CDC6: variants seen among roughly 807,000 people sequenced by gnomAD.
The protein encoded by CDC6 is DNA replication factor CDC6.
In CDC6, 46 loss-of-function variants were observed where a neutral mutation model predicts 60.2. The observed-to-expected ratio is 0.76, with a 90% CI of 0.60 to 0.98. The LOEUF (loss-of-function observed/expected upper bound fraction) is 0.98. CDC6 is among the 50% of genes least tolerant of loss of function. The probability of loss-of-function intolerance (pLI) is 0.00; values close to 1 mark genes in which losing one functional copy is unlikely to be tolerated. For missense variants in CDC6, 596 were observed against 652.9 expected, an observed-to-expected ratio of 0.91 and a Z score of 0.95; for synonymous variants, 210 against 233.2, an observed-to-expected ratio of 0.90 and a Z score of 0.90.
chr17:40,300,942 A>G lies in CDC6; in HGVS notation c.1364A>G (p.Asp455Gly), dbSNP rs1207701234. The G allele has an allele frequency of 7.4e-6, 12 of 1,613,776 alleles. No homozygotes were observed. Among genetic ancestry groups the G allele is most frequent in the Non-Finnish European group, 1.0e-5 (12 of 1,179,646 alleles). The change falls in exon 10 of 12, where the codon GAT becomes GGT. Residue 455 changes from aspartate to glycine, a missense_variant. Coordinates refer to ENST00000209728, the MANE Select transcript of CDC6 (RefSeq NM_001254.4). ...ACCTTGAGCCAAGAAGGAGCACAAGATTCCTTCCCTCTTCAGCAGAAGATC... is the reference window on the plus strand; with the variant it reads ...ACCTTGAGCCAAGAAGGAGCACAAGGTTCCTTCCCTCTTCAGCAGAAGATC... ...RMTLSQEGAQ[D>G]SFPLQQKILV...
intron 9 of CDC6, among the ~76,000 whole-genome samples, chr17:40,298,626 C>T (rs919207882): frequency 1.3e-5 from 2 of 152,126 alleles, no homozygotes; most frequent in Non-Finnish European, 2.9e-5. Flanking sequence ...TGGTCTCAAA[C>T]TCCTGGGATA....
At chr17:40,289,842 G>C (rs1200183336) in intron 2 of CDC6, among the ~76,000 whole-genome samples, 2 of 149,270 alleles carry the variant, frequency 1.3e-5, no homozygotes, top group African/African-American at 2.5e-5. Context: ...CCAAGTAGCT[G>C]GGATTACAGG....
intron 6 of CDC6, 21 bp downstream of exon 6, chr17:40,294,077 G>A (rs2032819969): frequency 3.3e-6 from 5 of 1,495,168 alleles, no homozygotes; most frequent in Non-Finnish European, 4.7e-6. Flanking sequence ...AATTGTTAAT[G>A]TTACATGGTG....
At position 40,304,182 on chromosome 17, in the gene CDC6, T is replaced by TCTAG. The variant is rs1478312612; in HGVS notation, c.*2182_*2185dup. Reference sequence around the variant, plus strand: ...TTTTCTTCTCCCCTCACTGTCAATTTCTAGGTCATTGCTGCTCTTAAGACT... The same window carrying TCTAG: ...TTTTCTTCTCCCCTCACTGTCAATTTCTAGCTAGGTCATTGCTGCTCTTAAGACT... On this transcript the variant is annotated 3_prime_UTR_variant, in exon 12 of 12. Transcript: ENST00000209728. 2 of 152,286 alleles carry TCTAG rather than the reference T, an allele frequency of 1.3e-5. No individual in the cohort carries two copies. Among genetic ancestry groups the TCTAG allele is most frequent in the Non-Finnish European group, 2.9e-5 (2 of 68,068 alleles). The allele number at this position is 152,286 out of a possible 1,614,324, so 9.4% of individuals were successfully genotyped here. A position where few individuals can be genotyped will look rare whatever the true frequency, so the allele number is the denominator to read the frequency against.
At chr17:40,289,640 A>C (rs1216088837) in intron 2 of CDC6, 42 bp downstream of exon 2, 1 of 1,522,090 alleles carries the variant, frequency 6.6e-7, no homozygotes, top group Non-Finnish European at 9.1e-7. Context: ...GCAGCTCGTG[A>C]CCTTTCTTTT....
chr17:40,290,577 G>A (rs972493838), intron 2 of CDC6, among the ~76,000 whole-genome samples: 1 of 152,150 alleles, frequency 6.6e-6, no homozygotes, highest in African/African-American at 2.4e-5. Context: ...ACTTATCCAT[G>A]GGGGATACAT....
chr17:40,301,787 GAA>G, intron 11 of CDC6, 123 bp from the exon 12 acceptor site: 1 of 938,802 alleles, frequency 1.1e-6, no homozygotes, highest in Non-Finnish European at 1.7e-6. Context: ...CAAGCCATTG[GAA>G]AAAAAAGTGT....
Position 40,291,266 on chromosome 17 carries a change from G to C in CDC6, c.387G>C (p.Glu129Asp). 6.2e-7 allele frequency: 1 copy of C among 1,614,144 alleles called. No homozygotes were observed. The highest frequency in any genetic ancestry group is 8.5e-7 in the Non-Finnish European group (1 of 1,179,978). Residue 129 changes from glutamate to aspartate, a missense_variant, in exon 3 of 12, where the codon GAG becomes GAC. By Grantham distance (45) the Glu-to-Asp change is conservative. Coordinates refer to ENST00000209728, the MANE Select transcript of CDC6 (RefSeq NM_001254.4). ...KILSSVRKSQ[E>D]ITTNSEQRCP... ...TTTCTTCAGTTAGAAAAAGTCAAGA[G>C]ATCACAACAAATTCTGAGCAGAGAT...
At position 40,291,666 on chromosome 17, in the gene CDC6, A is replaced by C. The variant is rs750337305; in HGVS notation, c.658A>C (p.Lys220Gln). The part of the protein sequence containing the change: ...ACLSRILQDL[K>Q]KELKGFKTIM... ...CTTAAGCCGGATTCTGCAAGACCTC[A>C]AGGTACATTGAGAGTCTGAATTATG... The change falls in exon 4 of 12, where the codon AAG becomes CAG. Residue 220 changes from lysine to glutamine, a missense_variant and splice_region_variant. Coordinates refer to ENST00000209728, the MANE Select transcript of CDC6 (RefSeq NM_001254.4). 1 of 1,613,306 alleles carries C rather than the reference A, an allele frequency of 6.2e-7. No individual in the cohort carries two copies. The highest frequency in any genetic ancestry group is 8.5e-7 in the Non-Finnish European group (1 of 1,179,248).
chr17:40,296,756 C>T lies in CDC6; in HGVS notation c.1238C>T (p.Pro413Leu). 6.3e-7 allele frequency: 1 copy of T among 1,596,058 alleles called. No homozygotes were observed. Among genetic ancestry groups the T allele is most frequent in the African/African-American group, 1.3e-5 (1 of 74,684 alleles). Residue 413 changes from proline (P) to leucine (L), a missense_variant, in exon 9 of 12, where the codon CCA (proline) becomes CTA (leucine). Pro to Leu is a moderately conservative substitution (Grantham distance 98). Coordinates refer to ENST00000209728, the MANE Select transcript of CDC6 (RefSeq NM_001254.4). ...GTCAAAAGCCAGACTATTCTCAAACCACTGTCTGAATGTAAGTAGTTTATC... is the reference window on the plus strand; with the variant it reads ...GTCAAAAGCCAGACTATTCTCAAACTACTGTCTGAATGTAAGTAGTTTATC... ...SDVKSQTILK[P>L]LSECKSPSEP...
At chr17:40,294,238 G>T in intron 6 of CDC6, 126 bp from the exon 7 acceptor site, 1 of 914,918 alleles carries the variant, frequency 1.1e-6, no homozygotes, top group Admixed American at 1.9e-5. Context: ...TGGGGTAGGA[G>T]ACAAGTGGCA....
At chr17:40,300,779 C>T in intron 9 of CDC6, 49 bp from the exon 10 acceptor site, 2 of 1,364,100 alleles carry the variant, frequency 1.5e-6, no homozygotes, top group South Asian at 1.2e-5. Context: ...TACATACACA[C>T]ACACAGTATT....
intron 9 of CDC6, among the ~76,000 whole-genome samples, chr17:40,298,646 T>A (rs950659502): frequency 6.6e-6 from 1 of 152,180 alleles, no homozygotes; most frequent in Non-Finnish European, 1.5e-5. Flanking sequence ...AAAGTGATTC[T>A]CCTGCCTCAG....
intron 4 of CDC6, among the ~76,000 whole-genome samples, chr17:40,293,105 G>A (rs2032793170): frequency 6.6e-6 from 1 of 152,016 alleles, no homozygotes; most frequent in Admixed American, 6.6e-5. Context: ...TGGGTGTGGT[G>A]GTGCATCCTT....
In CDC6 at chr17:40,301,024, G is replaced by A. The variant is rs1472433745; in HGVS notation, c.1446G>A (p.Leu482=). 4.8e-5 allele frequency: 78 copies of A among 1,611,204 alleles called. No individual in the cohort carries two copies. Among genetic ancestry groups the A allele is most frequent in the Non-Finnish European group, 6.4e-5 (75 of 1,177,820 alleles). ...IRQLKIKEVT[L]GKLYEAYSKV... ...AGTTGAAAATCAAAGAGGTCACTCT[G>A]GGGAAGGTAAGTTGGGATGGAGCAG... The change falls in exon 10 of 12, where the codon CTG becomes CTA. Residue 482 remains leucine (L), a synonymous_variant. Coordinates refer to ENST00000209728, the MANE Select transcript of CDC6 (RefSeq NM_001254.4).
chr17:40,294,033 G>A lies in CDC6; in HGVS notation c.920G>A (p.Ser307Asn), dbSNP rs553375751. ...LYTLFEWPWL[S>N]NSHLVLIGIA... is the part of the protein sequence containing the mutation. ...ACGCTATTTGAATGGCCATGGCTAA[G>A]CAATTCTCACTTGGTGCTGATTGGT... The change falls in exon 6 of 12, where the codon AGC becomes AAC. Residue 307 changes from serine to asparagine, a missense_variant. By Grantham distance (46) the Ser-to-Asn change is conservative. Transcript: ENST00000209728. The A allele has an allele frequency of 6.2e-7, 1 of 1,613,266 alleles. No homozygotes were observed. Among genetic ancestry groups the A allele is most frequent in the South Asian group, 1.1e-5 (1 of 91,070 alleles).
Position 40,296,712 on chromosome 17 carries a change from T to A in CDC6, c.1194T>A (p.Ile398=). ...GAAATTTTTTTTATAGGAGAGCTATTGAAATTGTAGAGTCAGATGTCAAAA... is the reference window on the plus strand; with the variant it reads ...GAAATTTTTTTTATAGGAGAGCTATAGAAATTGTAGAGTCAGATGTCAAAA... ...RKALDVCRRA[I]EIVESDVKSQ... Residue 398 remains isoleucine, a synonymous_variant, in exon 9 of 12, where the codon ATT becomes ATA. Coordinates refer to ENST00000209728, the MANE Select transcript of CDC6 (RefSeq NM_001254.4). 6.3e-7 allele frequency: 1 copy of A among 1,597,638 alleles called. No homozygotes were observed. Among genetic ancestry groups the A allele is most frequent in the Middle Eastern group, 1.7e-4 (1 of 6,030 alleles).
chr17:40,288,673 C>T (rs2032700471), intron 1 of CDC6, among the ~76,000 whole-genome samples: 1 of 151,608 alleles, frequency 6.6e-6, no homozygotes, highest in Non-Finnish European at 1.5e-5. Context: ...CAAGCTCCGC[C>T]TCCCGGGTTC....
chr17:40,300,512 C>A (rs900587443), intron 9 of CDC6, among the ~76,000 whole-genome samples: 1 of 152,158 alleles, frequency 6.6e-6, no homozygotes, highest in Non-Finnish European at 1.5e-5. Flanking sequence ...TACAGTAGTT[C>A]TCTGGTCCTT....
Sources: gnomAD v4.1 joint callset for allele counts (sites outside exome capture counted in the v4.1 genomes callset) on GRCh38, gnomAD v4.1.1 for gene constraint, MANE v1.5 for transcripts, NCBI Gene and HGNC (gene_info 2026-07-23, HGNC 2026-07-21) for gene names.